NELL2: variants seen among roughly 807,000 people sequenced by gnomAD.
NELL2 encodes the protein neural EGFL like 2.
A neutral mutation model predicts 109.6 loss-of-function variants in NELL2; 41 were observed. That is an observed-to-expected ratio of 0.37 (90% CI 0.29 to 0.49). NELL2 has a LOEUF of 0.49. Ranked by LOEUF, NELL2 falls within the 20% of genes least tolerant of loss-of-function variation. The probability of loss-of-function intolerance (pLI) is 0.98; values close to 1 mark genes in which losing one functional copy is unlikely to be tolerated. For missense variants in NELL2, 900 were observed against 1,008.3 expected, an observed-to-expected ratio of 0.89 and a Z score of 1.45; for synonymous variants, 355 against 344.7, an observed-to-expected ratio of 1.03 and a Z score of -0.33.
At chr12:44,801,898 A>T (rs987022527) in intron 3 of NELL2, among the ~76,000 whole-genome samples, 2 of 151,082 alleles carry the variant, frequency 1.3e-5, no homozygotes, top group Non-Finnish European at 2.9e-5. Context: ...GGCACAGAGG[A>T]TACAGAAAAA....
At chr12:44,622,074 GT>G (rs1222124520) in intron 13 of NELL2, among the ~76,000 whole-genome samples, 1 of 152,078 alleles carries the variant, frequency 6.6e-6, no homozygotes, top group Non-Finnish European at 1.5e-5. Context: ...CGCCTGCCAC[GT>G]TTTAGGCACT....
intron 2 of NELL2, among the ~76,000 whole-genome samples, chr12:44,856,324 A>G (rs375301076): frequency 1.3e-5 from 2 of 152,364 alleles, no homozygotes; most frequent in African/African-American, 4.8e-5. Flanking sequence ...CCCTGCCCGC[A>G]TGCACTTTAC....
intron 13 of NELL2, among the ~76,000 whole-genome samples, chr12:44,658,877 CAAAAA>C (rs58696965): frequency 4.3e-5 from 3 of 69,926 alleles, no homozygotes; most frequent in South Asian, 5.7e-4. Context: ...ACTCTGTCTC[CAAAAA>C]AAAAAAAAAA....
At chr12:44,781,575 A>G (rs1321971917) in intron 3 of NELL2, among the ~76,000 whole-genome samples, 2 of 152,114 alleles carry the variant, frequency 1.3e-5, no homozygotes, top group African/African-American at 4.8e-5. Flanking sequence ...ACTCAAAACA[A>G]TTTTCAACTT....
At chr12:44,799,135 T>G (rs1232995866) in intron 3 of NELL2, among the ~76,000 whole-genome samples, 1 of 151,828 alleles carries the variant, frequency 6.6e-6, no homozygotes, top group South Asian at 2.1e-4. Flanking sequence ...ATTTTTTATA[T>G]TTTTAGTAGA....
At chr12:44,767,227 A>G (rs1239313441) in intron 9 of NELL2, among the ~76,000 whole-genome samples, 1 of 152,210 alleles carries the variant, frequency 6.6e-6, no homozygotes, top group South Asian at 2.1e-4. Context: ...TGTTTGTGGT[A>G]AAATAAGAAT....
At chr12:44,513,331 C>A (rs748492366) in intron 19 of NELL2, among the ~76,000 whole-genome samples, 33 of 151,836 alleles carry the variant, frequency 2.2e-4, no homozygotes, top group Non-Finnish European at 2.9e-4. Flanking sequence ...GCCAATGGAA[C>A]CTATGATCTA....
chr12:44,806,903 G>T (rs1193980083), intron 3 of NELL2, among the ~76,000 whole-genome samples: 1 of 151,450 alleles, frequency 6.6e-6, no homozygotes, highest in Non-Finnish European at 1.5e-5. Flanking sequence ...GAGGGGGAGA[G>T]ATACAAAAAT....
intron 13 of NELL2, among the ~76,000 whole-genome samples, chr12:44,615,327 T>G (rs1312946004): frequency 6.6e-6 from 1 of 152,122 alleles, no homozygotes; most frequent in Non-Finnish European, 1.5e-5. Context: ...CTCGAGGCCC[T>G]TATAATTTGA....
At chr12:44,723,338 G>A (rs1938892009) in intron 9 of NELL2, among the ~76,000 whole-genome samples, 2 of 152,254 alleles carry the variant, frequency 1.3e-5, no homozygotes, top group South Asian at 2.1e-4. Context: ...GGAAATCGAA[G>A]AGAAAAATAA....
chr12:44,854,672 ATGGATGGATGGG>A (rs1278741911), intron 2 of NELL2, among the ~76,000 whole-genome samples: 259 of 145,296 alleles, frequency 1.8e-3, no homozygotes, highest in Admixed American at 7.2e-3. Context: ...GGATGGATGG[ATGGATGGATGGG>A]TGGATGGATG....
chr12:44,694,527 A>G (rs1948997427), intron 12 of NELL2, among the ~76,000 whole-genome samples: 1 of 151,292 alleles, frequency 6.6e-6, no homozygotes, highest in Non-Finnish European at 1.5e-5. Flanking sequence ...ACAAACACAC[A>G]CACACACACA....
chr12:44,918,073 C>T (rs1945842025), upstream of NELL2, among the ~76,000 whole-genome samples: 1 of 152,200 alleles, frequency 6.6e-6, no homozygotes, highest in Non-Finnish European at 1.5e-5. Context: ...AAAACACCTC[C>T]ACTTGACCTA....
chr12:44,835,527 A>G (rs1944028313), intron 2 of NELL2, among the ~76,000 whole-genome samples: 1 of 152,246 alleles, frequency 6.6e-6, no homozygotes, highest in African/African-American at 2.4e-5. Flanking sequence ...GCAGCCGCTC[A>G]GGGCCAACAC....
intron 9 of NELL2, among the ~76,000 whole-genome samples, chr12:44,738,103 C>T (rs1482842119): frequency 6.6e-6 from 1 of 152,182 alleles, no homozygotes; most frequent in Non-Finnish European, 1.5e-5. Context: ...TATGAACCCA[C>T]AGCACTTGAA....
rs146714676 is a variant in NELL2, at chr12:44,662,691, C to T, written c.1444+2793G>A. Among the ~76,000 whole-genome samples, 58 of 152,264 alleles carry T rather than the reference C, an allele frequency of 3.8e-4. No individual in the cohort carries two copies. The East Asian group carries it at 8.5e-3, about 22-fold the overall frequency. On this transcript the variant is annotated intron_variant, in intron 13 of 19. Coordinates refer to ENST00000429094, the MANE Select transcript of NELL2 (RefSeq NM_001145108.2). ...GTTAAACAAATAAAGCAGAAAAAGG[C>T]TTCTTTATTGATCAAAGCTCTTGAT...
chr12:44,816,234 CA>C (rs1943345842), intron 2 of NELL2, 98 bp from the exon 3 acceptor site: 1 of 1,034,270 alleles, frequency 9.7e-7, no homozygotes, highest in Admixed American at 2.6e-5. Flanking sequence ...TCAAGTTTAT[CA>C]GTAGCAGCTG....
At chr12:44,629,943 G>A (rs761157063) in intron 13 of NELL2, among the ~76,000 whole-genome samples, 10 of 152,146 alleles carry the variant, frequency 6.6e-5, no homozygotes, top group Non-Finnish European at 1.5e-4. Flanking sequence ...AGAATCACAT[G>A]TTGGTTGGTT....
In NELL2 at chr12:44,786,276, A is replaced by ACAAAC. The variant is rs1159162043; in HGVS notation, c.336-6255_336-6254insGTTTG. 2.6e-5 allele frequency among the ~76,000 whole-genome samples: 4 copies of ACAAAC among 152,348 alleles called. No homozygotes were observed. The East Asian group carries it at 5.8e-4, about 22-fold the overall frequency. On this transcript the variant is annotated intron_variant, in intron 3 of 19. Coordinates refer to ENST00000429094, the MANE Select transcript of NELL2 (RefSeq NM_001145108.2). ...ATGCAGCCAACAAACACATGAAAAA[A>ACAAAC]AGTTCATATTACTGGTCATTAGAAA...
Sources: allele counts gnomAD v4.1 joint callset (sites outside exome capture counted in the v4.1 genomes callset), GRCh38; gene constraint gnomAD v4.1.1; transcripts MANE v1.5; gene names NCBI Gene and HGNC (gene_info 2026-07-23, HGNC 2026-07-21).